The following CLNK variants were observed in gnomAD, a reference collection of about 807,000 sequenced individuals.
The protein encoded by CLNK is cytokine dependent hematopoietic cell linker, also known as cytokine-dependent hematopoietic cell linker.
Under a neutral mutation model 68.6 loss-of-function variants are expected in CLNK, and 74 were observed. The observed-to-expected ratio is 1.08, with a 90% CI of 0.89 to 1.31. The LOEUF (loss-of-function observed/expected upper bound fraction) is 1.31, where lower values mean the gene tolerates loss of function less well. Among genes scored for constraint, CLNK ranks in the 50% most tolerant of loss-of-function variants. The probability of loss-of-function intolerance (pLI) is 0.00; values close to 1 mark genes in which losing one functional copy is unlikely to be tolerated. For missense variants in CLNK, 553 were observed against 515.3 expected (o/e 1.07, Z -0.71); for synonymous variants, 198 against 172.2 (o/e 1.15, Z -1.17).
intron 8 of CLNK, among the ~76,000 whole-genome samples, chr4:10,555,010 A>T (rs549401447): frequency 2.8e-4 from 43 of 152,350 alleles, no homozygotes; most frequent in African/African-American, 9.9e-4. Context: ...TGAGCAAGCC[A>T]CTTCCCTTCC....
chr4:10,616,494 T>A (rs949407421), intron 2 of CLNK, among the ~76,000 whole-genome samples: 4 of 152,154 alleles, frequency 2.6e-5, no homozygotes, highest in African/African-American at 9.7e-5. Flanking sequence ...GAAGAACAAG[T>A]AAAGTCCTCA....
At chr4:10,723,905 A>T in the CLNK span, among the ~76,000 whole-genome samples, 9 of 144,088 alleles carry the variant, frequency 6.2e-5, no homozygotes, top group Non-Finnish European at 1.3e-4. Flanking sequence ...AGAGAGAGAG[A>T]GAGAGAGAGA....
intron 8 of CLNK, among the ~76,000 whole-genome samples, chr4:10,552,355 T>C (rs969045650): frequency 6.6e-6 from 1 of 152,314 alleles, no homozygotes; most frequent in South Asian, 2.1e-4. Flanking sequence ...AAGAACAGCC[T>C]GAGTCCAGCT....
At chr4:10,627,774 C>T (rs973485580) in intron 2 of CLNK, among the ~76,000 whole-genome samples, 1 of 152,118 alleles carries the variant, frequency 6.6e-6, no homozygotes, top group Admixed American at 6.5e-5. Context: ...TTGGGTTCCC[C>T]ACTCCCACCC....
At chr4:10,523,866 A>G (rs75424244) in intron 14 of CLNK, 10,422 of 302,476 alleles carry the variant, frequency 0.034, 577 homozygotes, top group African/African-American at 0.14. Flanking sequence ...CTCTACAAAG[A>G]GTACAAAAAT....
Position 10,490,469 on chromosome 4 carries a change from A to T in CLNK, c.1285T>A (p.Ter429LysextTer72), listed in dbSNP as rs912182126. The T allele has an allele frequency of 6.2e-7, 1 of 1,613,346 alleles. No individual in the cohort carries two copies. The highest frequency in any genetic ancestry group is 1.3e-5 in the African/African-American group (1 of 75,028). ...LPLTRHLLPL[*>K] ...CCAAAGATAACACAAAGACCAGGCT[A>T]CAGAGGCAAGAGGTGTCTGGTGAGA... The change falls in exon 19 of 19, where the codon TAG becomes AAG. Residue 429 changes from the stop codon to lysine (K), a stop_lost. Transcript: ENST00000226951.
At chr4:10,536,130 G>T (rs1244041164) in intron 11 of CLNK, among the ~76,000 whole-genome samples, 1 of 152,180 alleles carries the variant, frequency 6.6e-6, no homozygotes, top group Non-Finnish European at 1.5e-5. Flanking sequence ...ACCATCCAGG[G>T]TGAGCACAGC....
At chr4:10,576,275 T>C (rs1292008171) in intron 4 of CLNK, among the ~76,000 whole-genome samples, 2 of 152,114 alleles carry the variant, frequency 1.3e-5, no homozygotes, top group Non-Finnish European at 2.9e-5. Flanking sequence ...AAAGACAGAT[T>C]GGCTTCCTAG....
chr4:10,519,919 G>T (rs965389998), intron 15 of CLNK, among the ~76,000 whole-genome samples: 1 of 152,112 alleles, frequency 6.6e-6, no homozygotes, highest in Non-Finnish European at 1.5e-5. Flanking sequence ...AAAGCTCAAA[G>T]AATTAATTTG....
rs1332238003 is a variant in CLNK at position 10,528,227 on chromosome 4, T to TA, written c.631-134dup. On this transcript the variant is annotated intron_variant, in intron 12 of 18. Coordinates refer to ENST00000226951, the MANE Select transcript of CLNK (RefSeq NM_052964.4). ...CTTTTGTTAGCATAGTTCGTAGTTTTAAAAAAATCTACAAATAATTCTTCA... is the reference window on the plus strand; with the variant it reads ...CTTTTGTTAGCATAGTTCGTAGTTTTAAAAAAAATCTACAAATAATTCTTCA... 7.7e-6 allele frequency: 3 copies of TA among 390,594 alleles called. No homozygotes were observed. The East Asian group carries it at 1.1e-4, about 15-fold the overall frequency. 24.2% of individuals were successfully genotyped at this position (390,594 alleles called of 1,614,324 possible).
At chr4:10,726,491 C>T in the CLNK span, among the ~76,000 whole-genome samples, 5 of 152,118 alleles carry the variant, frequency 3.3e-5, no homozygotes, top group Admixed American at 2.0e-4. Flanking sequence ...GGGCCCAACC[C>T]ACTCCAGTAT....
chr4:10,493,967 C>G (rs1026446882), intron 18 of CLNK, among the ~76,000 whole-genome samples: 1 of 152,214 alleles, frequency 6.6e-6, no homozygotes, highest in Non-Finnish European at 1.5e-5. Flanking sequence ...GTGTGACACA[C>G]AGTGAGTGCT....
intron 3 of CLNK, among the ~76,000 whole-genome samples, chr4:10,595,963 C>T (rs890839593): frequency 1.3e-5 from 2 of 152,194 alleles, no homozygotes; most frequent in African/African-American, 4.8e-5. Flanking sequence ...TCCATTTATT[C>T]TGCGGACACA....
chr4:10,639,798 G>A (rs567014587), intron 2 of CLNK, among the ~76,000 whole-genome samples: 3 of 152,204 alleles, frequency 2.0e-5, no homozygotes, highest in Non-Finnish European at 4.4e-5. Context: ...ATCACAGAAA[G>A]GTCTGTTGGG....
chr4:10,689,984 G>A, the CLNK span, among the ~76,000 whole-genome samples: 2 of 151,862 alleles, frequency 1.3e-5, no homozygotes, highest in South Asian at 4.2e-4. Flanking sequence ...GTTTCACAAC[G>A]TGCTAAAACT....
At chr4:10,615,651 T>C (rs770231112) in intron 2 of CLNK, among the ~76,000 whole-genome samples, 1 of 152,222 alleles carries the variant, frequency 6.6e-6, no homozygotes, top group Non-Finnish European at 1.5e-5. Flanking sequence ...CAGATGAGGA[T>C]GCGAGCTCAT....
intron 7 of CLNK, among the ~76,000 whole-genome samples, chr4:10,559,997 A>C (rs1240202576): frequency 1.3e-5 from 2 of 152,204 alleles, no homozygotes; most frequent in African/African-American, 4.8e-5. Context: ...AAATGTGACC[A>C]GACTTTGTCA....
intron 18 of CLNK, among the ~76,000 whole-genome samples, chr4:10,495,934 A>G (rs1302292471): frequency 1.3e-5 from 2 of 152,212 alleles, no homozygotes; most frequent in Non-Finnish European, 2.9e-5. Flanking sequence ...GAAAGCTGGA[A>G]GAGGCCAGGA....
At chr4:10,551,656 A>C (rs745595464) in intron 8 of CLNK, among the ~76,000 whole-genome samples, 26 of 152,172 alleles carry the variant, frequency 1.7e-4, no homozygotes, top group Non-Finnish European at 1.6e-4. Context: ...CAGAAATAAA[A>C]CATAAGTATA....
Sources: allele counts gnomAD v4.1 joint callset (sites outside exome capture counted in the v4.1 genomes callset), GRCh38; gene constraint gnomAD v4.1.1; transcripts MANE v1.5; gene names NCBI Gene and HGNC (gene_info 2026-07-23, HGNC 2026-07-21).